The following HRH4 variants were observed in gnomAD, a reference collection of about 807,000 sequenced individuals.
The protein encoded by HRH4 is histamine receptor H4.
Under a neutral mutation model 10.4 loss-of-function variants are expected in HRH4, and 12 were observed. That is an observed-to-expected ratio of 1.15 (90% CI 0.74 to 1.87). HRH4 has a LOEUF of 1.87. Ranked by LOEUF, HRH4 falls within the 40% of genes most tolerant of loss-of-function variation. The pLI is 0.00. For missense variants in HRH4, 415 were observed against 453.3 expected (o/e 0.92, Z 0.77); for synonymous variants, 154 against 166.6 (o/e 0.92, Z 0.58).
chr18:24,478,382 A>G lies in HRH4; in HGVS notation c.*820A>G, dbSNP rs1910205689. 1 of 152,266 alleles carries G rather than the reference A, an allele frequency of 6.6e-6. No individual in the cohort carries two copies. The highest frequency in any genetic ancestry group is 2.1e-4 in the South Asian group (1 of 4,838). The allele number at this position is 152,266 out of a possible 1,614,324, so 9.4% of individuals were successfully genotyped here. On this transcript the variant is annotated 3_prime_UTR_variant, in exon 3 of 3. Coordinates refer to ENST00000256906, the MANE Select transcript of HRH4 (RefSeq NM_021624.4). ...TACAGTCACTGAACTAGTAGATGTC[A>G]ATAATTATTATTTTTAAAAATTTTT...
chr18:24,477,466 A>C lies in HRH4; in HGVS notation c.1077A>C (p.Pro359=), dbSNP rs772066963. The change falls in exon 3 of 3, where the codon CCA becomes CCC. Residue 359 remains proline (P), a synonymous_variant. Coordinates refer to ENST00000256906, the MANE Select transcript of HRH4 (RefSeq NM_021624.4). ...CCTTTGTCAATCCTCTTTTGTATCC[A>C]TTGTGTCACAAGCGCTTTCAAAAGG... ...FNSFVNPLLY[P]LCHKRFQKAF... is the part of the protein sequence containing the mutation. 2 of 1,613,964 alleles carry C rather than the reference A, an allele frequency of 1.2e-6. No individual in the cohort carries two copies. Among genetic ancestry groups the C allele is most frequent in the Non-Finnish European group, 8.5e-7 (1 of 1,179,902 alleles).
chr18:24,460,996 G>A, intron 1 of HRH4, 75 bp downstream of exon 1: 3 of 1,117,468 alleles, frequency 2.7e-6, no homozygotes, highest in Admixed American at 2.4e-5. Context: ...ATAAGCTTTT[G>A]TTATTTCAGG....
chr18:24,472,703 A>G (rs1325782536), intron 2 of HRH4, among the ~76,000 whole-genome samples: 1 of 152,138 alleles, frequency 6.6e-6, no homozygotes, highest in Non-Finnish European at 1.5e-5. Context: ...GAAATCTGAC[A>G]ATAATTTGGA....
chr18:24,461,072 T>G, intron 1 of HRH4, 151 bp downstream of exon 1: 1 of 507,548 alleles, frequency 2.0e-6, no homozygotes, highest in Non-Finnish European at 3.4e-6. Flanking sequence ...GAGGGGGCTA[T>G]ATGGCACTGT....
chr18:24,468,315 T>C (rs1443528673), intron 1 of HRH4, among the ~76,000 whole-genome samples: 1 of 152,230 alleles, frequency 6.6e-6, no homozygotes, highest in East Asian at 1.9e-4. Flanking sequence ...GTGCTGGGAT[T>C]ACAGGCGTGA....
intron 2 of HRH4, among the ~76,000 whole-genome samples, chr18:24,470,499 C>CTTTTTTTTT (rs1435856728): frequency 4.6e-5 from 2 of 43,648 alleles, no homozygotes; most frequent in African/African-American, 1.1e-4. Context: ...ATTTGTTTCT[C>CTTTTTTTTT]TATTTTTTTT....
intron 2 of HRH4, among the ~76,000 whole-genome samples, chr18:24,473,946 T>G (rs1472398444): frequency 7.1e-6 from 1 of 140,326 alleles, no homozygotes; most frequent in African/African-American, 2.7e-5. Context: ...GCTGCGGGAT[T>G]TCAGGGACAC....
intron 2 of HRH4, 70 bp from the exon 3 acceptor site, chr18:24,476,677 G>C (rs752160031): frequency 2.1e-5 from 25 of 1,174,610 alleles, no homozygotes; most frequent in Non-Finnish European, 2.8e-5. Context: ...AAATTTCTAA[G>C]GATCTATGAG....
At chr18:24,461,799 G>T (rs78006505) in intron 1 of HRH4, among the ~76,000 whole-genome samples, 152 of 150,292 alleles carry the variant, frequency 1.0e-3, no homozygotes, top group African/African-American at 3.5e-3. Context: ...TGCAGATATG[G>T]GTCAACCCCA....
At chr18:24,464,559 C>T (rs1466693247) in intron 1 of HRH4, among the ~76,000 whole-genome samples, 1 of 152,088 alleles carries the variant, frequency 6.6e-6, no homozygotes, top group Non-Finnish European at 1.5e-5. Flanking sequence ...TCTGGCGGCC[C>T]AAAGGATTTA....
At chr18:24,466,725 T>A (rs909309862) in intron 1 of HRH4, among the ~76,000 whole-genome samples, 1 of 152,128 alleles carries the variant, frequency 6.6e-6, no homozygotes, top group South Asian at 2.1e-4. Context: ...ACTTTACTAT[T>A]CTTAATAATA....
chr18:24,462,310 A>G (rs959028043), intron 1 of HRH4, among the ~76,000 whole-genome samples: 1 of 152,140 alleles, frequency 6.6e-6, no homozygotes, highest in Non-Finnish European at 1.5e-5. Context: ...TTTATTCAGC[A>G]GGCCTTGTGG....
chr18:24,476,766 A>T lies in HRH4; in HGVS notation c.377A>T (p.His126Leu). 6.2e-7 allele frequency: 1 copy of T among 1,614,020 alleles called. No homozygotes were observed. The highest frequency in any genetic ancestry group is 2.2e-5 in the East Asian group (1 of 44,886). ...TTCTAGGTGTCTTATAGAACTCAAC[A>T]TACTGGGGTCTTGAAGATTGTTACT... ...VSNAVSYRTQ[H>L]TGVLKIVTLM... Residue 126 changes from histidine to leucine, a missense_variant, in exon 3 of 3, where the codon CAT (histidine) becomes CTT (leucine). His to Leu is a moderately conservative substitution (Grantham distance 99, BLOSUM62 -3). Transcript: ENST00000256906.
intron 2 of HRH4, among the ~76,000 whole-genome samples, chr18:24,475,341 G>A (rs1489713882): frequency 6.6e-6 from 1 of 151,954 alleles, no homozygotes; most frequent in African/African-American, 2.4e-5. Flanking sequence ...GAAGTAACGT[G>A]GGTGGGCTGG....
chr18:24,471,589 G>A lies in HRH4; in HGVS notation c.357+2638G>A, dbSNP rs540524401. Among the ~76,000 whole-genome samples the A allele has an allele frequency of 3.5e-3, 358 of 103,572 alleles. 1 individual carries two copies. The highest frequency in any genetic ancestry group is 0.013 in the African/African-American group (329 of 24,846). 67.9% of individuals were successfully genotyped at this position (103,572 alleles called of 152,430 possible). On this transcript the variant is annotated intron_variant, in intron 2 of 2. Coordinates refer to ENST00000256906, the MANE Select transcript of HRH4 (RefSeq NM_021624.4). ...ACCATTGTACTCCAGCCTGGGTGTC[G>A]CAGCAAGACTCCATCTCAAAAAAAA...
At chr18:24,470,932 T>TA (rs989659756) in intron 2 of HRH4, among the ~76,000 whole-genome samples, 2 of 149,960 alleles carry the variant, frequency 1.3e-5, no homozygotes, top group African/African-American at 4.9e-5. Context: ...CAAGGGATTT[T>TA]TTTTTTTTAA....
Position 24,477,097 on chromosome 18 carries a change from A to G in HRH4, c.708A>G (p.Arg236=). ...TCAGAGGTAGACTATCTTCAAGGAG[A>G]TCTCTTTCTGCATCGACAGAAGTTC... ...HSFRGRLSSR[R]SLSASTEVPA... is the part of the protein sequence containing the mutation. Residue 236 remains arginine, a synonymous_variant, in exon 3 of 3, where the codon AGA becomes AGG. Transcript: ENST00000256906. The G allele has an allele frequency of 6.2e-7, 1 of 1,614,202 alleles. No homozygotes were observed. Among genetic ancestry groups the G allele is most frequent in the African/African-American group, 1.3e-5 (1 of 75,052 alleles).
At chr18:24,465,210 C>A (rs1476165698) in intron 1 of HRH4, among the ~76,000 whole-genome samples, 2 of 152,228 alleles carry the variant, frequency 1.3e-5, no homozygotes, top group Admixed American at 1.3e-4. Flanking sequence ...ATCACCTGAA[C>A]CCAGGAGGTG....
In HRH4 at chr18:24,477,300, C is replaced by G; in HGVS notation, c.911C>G (p.Ser304Ter). Residue 304 changes from serine (S) to a stop codon, truncating the protein, a stop_gained, in exon 3 of 3, where the codon TCA (serine) becomes TGA (stop). Transcript: ENST00000256906. LOFTEE classifies it low-confidence loss of function (END_TRUNC). Reference protein sequence around the residue: ...ELLRARRLAKSLAILLGVFAV... With the variant: ...ELLRARRLAK Reference sequence around the variant, plus strand: ...CTTAGAGCCAGGAGATTAGCCAAGTCACTGGCCATTCTCTTAGGGGTTTTT... The same window carrying G: ...CTTAGAGCCAGGAGATTAGCCAAGTGACTGGCCATTCTCTTAGGGGTTTTT... The G allele has an allele frequency of 6.2e-7, 1 of 1,614,190 alleles. No homozygotes were observed. Among genetic ancestry groups the G allele is most frequent in the Non-Finnish European group, 8.5e-7 (1 of 1,180,022 alleles).
Sources: allele counts gnomAD v4.1 joint callset (sites outside exome capture counted in the v4.1 genomes callset), GRCh38; gene constraint gnomAD v4.1.1; transcripts MANE v1.5; gene names NCBI Gene and HGNC (gene_info 2026-07-23, HGNC 2026-07-21).